Variants in PATJ observed in about 807,000 individuals in gnomAD.
The protein encoded by PATJ is inaD-like protein.
In PATJ, 190 loss-of-function variants were observed where a neutral mutation model predicts 224.9. The ratio of observed to expected loss-of-function variants is 0.84; its 90% CI spans 0.75 to 0.95. PATJ has a LOEUF of 0.95. Ranked by LOEUF, PATJ falls within the 40% of genes least tolerant of loss-of-function variation. The probability of loss-of-function intolerance (pLI) is 0.00; values close to 1 mark genes in which losing one functional copy is unlikely to be tolerated. For synonymous variants in PATJ, 769 were observed against 820.3 expected (o/e 0.94, Z 1.07); for missense variants, 2,121 against 2,270.3 (o/e 0.93, Z 1.34).
At chr1:61,836,515 C>G (rs577711284) in intron 17 of PATJ, among the ~76,000 whole-genome samples, 1 of 152,328 alleles carries the variant, frequency 6.6e-6, no homozygotes, top group East Asian at 1.9e-4. Flanking sequence ...GGAACACATT[C>G]AATCCTAACT....
At chr1:61,871,901 T>C (rs1666691938) in intron 20 of PATJ, among the ~76,000 whole-genome samples, 1 of 150,352 alleles carries the variant, frequency 6.7e-6, no homozygotes, top group Admixed American at 6.6e-5. Context: ...AGACGGGGTT[T>C]CTCCATGTTG....
chr1:61,842,390 G>T (rs561772228), intron 17 of PATJ, among the ~76,000 whole-genome samples: 17 of 152,270 alleles, frequency 1.1e-4, no homozygotes, highest in Admixed American at 5.9e-4. Context: ...GTCTAGTGGG[G>T]GCGAAAGAGA....
intron 5 of PATJ, among the ~76,000 whole-genome samples, chr1:61,769,794 T>A (rs548394089): frequency 1.3e-5 from 2 of 152,332 alleles, no homozygotes; most frequent in Admixed American, 1.3e-4. Context: ...TATGGACTGA[T>A]CAGTAAGATA....
intron 18 of PATJ, 74 bp from the exon 19 acceptor site, chr1:61,861,477 A>G (rs1664605385): frequency 1.1e-5 from 8 of 706,872 alleles, no homozygotes; most frequent in Non-Finnish European, 2.0e-5. Flanking sequence ...TATTTGTCCT[A>G]ATGCTCTCCC....
At chr1:62,019,736 G>T (rs561525972) in intron 29 of PATJ, among the ~76,000 whole-genome samples, 23 of 151,794 alleles carry the variant, frequency 1.5e-4, no homozygotes, top group African/African-American at 5.3e-4. Flanking sequence ...TTTGGCAAGG[G>T]TTATAAAATT....
chr1:61,836,975 A>T (rs1660281291), intron 17 of PATJ, among the ~76,000 whole-genome samples: 1 of 152,232 alleles, frequency 6.6e-6, no homozygotes, highest in South Asian at 2.1e-4. Flanking sequence ...ACTTAGCATT[A>T]TTGTAGAGAT....
chr1:61,753,755 C>G (rs2148208406), intron 1 of PATJ, among the ~76,000 whole-genome samples: 1 of 152,056 alleles, frequency 6.6e-6, no homozygotes, highest in African/African-American at 2.4e-5. Flanking sequence ...GGTGATCCAC[C>G]TGCCTTGGCC....
intron 32 of PATJ, 124 bp from the exon 33 acceptor site, chr1:62,084,391 G>T: frequency 1.0e-6 from 1 of 999,176 alleles, no homozygotes; most frequent in Admixed American, 3.3e-5. Flanking sequence ...TTGCTTCATG[G>T]TGTTTGGCAG....
chr1:61,748,454 C>T (rs926859578), intron 1 of PATJ, among the ~76,000 whole-genome samples: 2 of 150,440 alleles, frequency 1.3e-5, no homozygotes, highest in Non-Finnish European at 3.0e-5. Context: ...CGGGGTTTCA[C>T]CATGTTGGCC....
intron 10 of PATJ, among the ~76,000 whole-genome samples, chr1:61,796,542 A>G (rs1651143386): frequency 6.6e-6 from 1 of 152,160 alleles, no homozygotes; most frequent in Admixed American, 6.6e-5. Flanking sequence ...TATATCTCTC[A>G]GGCTATTAGT....
At chr1:61,853,875 T>C (rs991608883) in intron 17 of PATJ, among the ~76,000 whole-genome samples, 5 of 152,180 alleles carry the variant, frequency 3.3e-5, no homozygotes, top group Non-Finnish European at 7.3e-5. Context: ...TTCATAAATA[T>C]GTGGTGTTAT....
intron 7 of PATJ, among the ~76,000 whole-genome samples, chr1:61,786,077 A>C (rs1400637131): frequency 2.0e-5 from 3 of 152,250 alleles, no homozygotes; most frequent in Non-Finnish European, 4.4e-5. Context: ...GCTGGAGTGC[A>C]GTGGCGTGAT....
At chr1:61,929,194 G>A (rs1009090045) in intron 27 of PATJ, among the ~76,000 whole-genome samples, 2 of 152,200 alleles carry the variant, frequency 1.3e-5, no homozygotes, top group Admixed American at 6.5e-5. Flanking sequence ...GCCACGGAAT[G>A]GAGCTGAATT....
intron 31 of PATJ, among the ~76,000 whole-genome samples, chr1:62,070,799 G>A (rs10399879): frequency 0.018 from 2,694 of 152,268 alleles, 30 homozygotes; most frequent in Middle Eastern, 0.044. Flanking sequence ...TTAGAAAGTA[G>A]GCAGCTAAGT....
intron 14 of PATJ, among the ~76,000 whole-genome samples, chr1:61,812,858 A>G (rs1254253347): frequency 6.6e-6 from 1 of 151,958 alleles, no homozygotes; most frequent in Non-Finnish European, 1.5e-5. Flanking sequence ...AAAAAAAATA[A>G]AAAAAGACAC....
chr1:61,987,557 C>T (rs536964248), intron 27 of PATJ, among the ~76,000 whole-genome samples: 101 of 152,196 alleles, frequency 6.6e-4, no homozygotes, highest in African/African-American at 2.0e-3. Flanking sequence ...TGGTTGAATC[C>T]GGGAGAAAAG....
intron 28 of PATJ, among the ~76,000 whole-genome samples, chr1:62,008,150 A>C (rs185253710): frequency 9.9e-5 from 15 of 152,188 alleles, no homozygotes; most frequent in Admixed American, 5.2e-4. Flanking sequence ...AAACCCCCTA[A>C]AGAGAGAATC....
At chr1:61,822,867 C>G (rs1284888491) in intron 14 of PATJ, 78 bp from the exon 15 acceptor site, 1 of 1,530,060 alleles carries the variant, frequency 6.5e-7, no homozygotes, top group East Asian at 2.3e-5. Context: ...TTTTTCACTT[C>G]AAAATAGCAC....
chr1:62,136,552 C>G lies in PATJ; in HGVS notation c.5271+7607C>G, dbSNP rs568893407. Among the ~76,000 whole-genome samples, 19 of 148,804 alleles carry G rather than the reference C, an allele frequency of 1.3e-4. No homozygotes were observed. The South Asian group carries it at 4.1e-3, about 32-fold the overall frequency. On this transcript the variant is annotated intron_variant, in intron 41 of 43. Coordinates refer to ENST00000642238, the MANE Select transcript of PATJ (RefSeq NM_001350145.3). ...AAGATGCCAGCTTTCTCAGGGATCA[C>G]CTTAACTTTACAGCCTTCCTGTTTG...
Sources: gnomAD v4.1 joint callset for allele counts (sites outside exome capture counted in the v4.1 genomes callset) on GRCh38, gnomAD v4.1.1 for gene constraint, MANE v1.5 for transcripts, NCBI Gene and HGNC (gene_info 2026-07-23, HGNC 2026-07-21) for gene names.